The following TYW1 variants were observed in gnomAD, a reference collection of about 807,000 sequenced individuals.
TYW1 encodes S-adenosyl-L-methionine-dependent tRNA 4-demethylwyosine synthase TYW1.
TYW1 carries 46 observed loss-of-function variants against 96.2 expected under a neutral mutation model. That is an observed-to-expected ratio of 0.48 (90% CI 0.38 to 0.61). The LOEUF is 0.61. Among genes scored for constraint, TYW1 ranks in the 20% least tolerant of loss-of-function variants. The probability of loss-of-function intolerance (pLI) is 0.00; values close to 1 mark genes in which losing one functional copy is unlikely to be tolerated. For synonymous variants in TYW1, 274 were observed against 323.0 expected (o/e 0.85, Z 1.63); for missense variants, 684 against 909.6 (o/e 0.75, Z 3.19).
At chr7:67,129,546 T>TG (rs1798000624) in intron 13 of TYW1, among the ~76,000 whole-genome samples, 1 of 152,180 alleles carries the variant, frequency 6.6e-6, no homozygotes, top group Non-Finnish European at 1.5e-5. Flanking sequence ...CCTCCAATTA[T>TG]GGGGACAGCA....
At chr7:67,066,473 T>G (rs1375833696) in intron 9 of TYW1, among the ~76,000 whole-genome samples, 1 of 152,216 alleles carries the variant, frequency 6.6e-6, no homozygotes, top group Admixed American at 6.5e-5. Context: ...CCTTGCATCA[T>G]CAAATAGTGA....
At chr7:67,153,329 A>G (rs9692120) in intron 13 of TYW1, among the ~76,000 whole-genome samples, 39,445 of 152,020 alleles carry the variant, frequency 0.26, 5,601 homozygotes, top group African/African-American at 0.38. Context: ...TGTGGTGCAC[A>G]TCTATAATCC....
At chr7:67,226,703 C>G in intron 15 of TYW1, among the ~76,000 whole-genome samples, 1 of 152,200 alleles carries the variant, frequency 6.6e-6, no homozygotes, top group East Asian at 1.9e-4. Flanking sequence ...GTTCCCCTGT[C>G]TTGATTAATT....
At chr7:67,094,325 T>C (rs1461681634) in intron 11 of TYW1, among the ~76,000 whole-genome samples, 2 of 152,054 alleles carry the variant, frequency 1.3e-5, no homozygotes, top group African/African-American at 2.4e-5. Context: ...GGGTACAGGT[T>C]TTTTTTTAAT....
rs572799521 is a variant in TYW1 at position 67,023,624 on chromosome 7, T to C, written c.862-1276T>C. On this transcript the variant is annotated intron_variant, in intron 6 of 15. Coordinates refer to ENST00000359626, the MANE Select transcript of TYW1 (RefSeq NM_018264.4). ...CTCTACTAAAAATACAAAAATTAGC[T>C]GGGTGTGATGGTGCATGCCTGTAGT... Among the ~76,000 whole-genome samples, 17 of 151,888 alleles carry C rather than the reference T, an allele frequency of 1.1e-4. No individual in the cohort carries two copies. In the South Asian group the frequency reaches 3.5e-3, roughly 32 times the overall value.
intron 12 of TYW1, among the ~76,000 whole-genome samples, chr7:67,111,387 G>A (rs1202621019): frequency 6.6e-6 from 1 of 152,144 alleles, no homozygotes; most frequent in African/African-American, 2.4e-5. Context: ...TTTTAGAAGA[G>A]ACAGGGTTTC....
chr7:67,090,107 A>G (rs1228899914), intron 11 of TYW1, among the ~76,000 whole-genome samples: 1 of 152,236 alleles, frequency 6.6e-6, no homozygotes, highest in Non-Finnish European at 1.5e-5. Flanking sequence ...TGCAAGACAT[A>G]AAAGATCTCC....
intron 9 of TYW1, among the ~76,000 whole-genome samples, chr7:67,057,402 T>C (rs1210898951): frequency 1.3e-5 from 2 of 150,934 alleles, no homozygotes; most frequent in Non-Finnish European, 3.0e-5. Context: ...CAGAGTCTCG[T>C]TGTCTCACCC....
At chr7:67,035,135 T>G (rs1794794098) in intron 7 of TYW1, among the ~76,000 whole-genome samples, 1 of 152,012 alleles carries the variant, frequency 6.6e-6, no homozygotes, top group Non-Finnish European at 1.5e-5. Context: ...TTTTTTTTTT[T>G]TGAGATGGAG....
At chr7:67,193,207 AG>A (rs1184493609) in intron 14 of TYW1, among the ~76,000 whole-genome samples, 1 of 152,196 alleles carries the variant, frequency 6.6e-6, no homozygotes, top group Non-Finnish European at 1.5e-5. Flanking sequence ...TTAACTCTGT[AG>A]GGCACAGTTT....
chr7:67,233,857 G>C (rs1801808728), intron 15 of TYW1, among the ~76,000 whole-genome samples: 1 of 136,212 alleles, frequency 7.3e-6, no homozygotes, highest in Non-Finnish European at 1.6e-5. Flanking sequence ...TTTGGGTCTA[G>C]TGGTTCTGTT....
At position 67,034,915 on chromosome 7, in the gene TYW1, C is replaced by T. The variant is rs574982338; in HGVS notation, c.984+9893C>T. On this transcript the variant is annotated intron_variant, in intron 7 of 15. Coordinates refer to ENST00000359626, the MANE Select transcript of TYW1 (RefSeq NM_018264.4). Reference sequence around the variant, plus strand: ...GCCTTGTGAAAGTTGCAAAGAGTTTCCCATCTGTTTCCATTGTAGAAGAGA... The same window carrying T: ...GCCTTGTGAAAGTTGCAAAGAGTTTTCCATCTGTTTCCATTGTAGAAGAGA... 1.5e-4 allele frequency among the ~76,000 whole-genome samples: 23 copies of T among 152,256 alleles called. 1 individual carries two copies. The highest frequency in any genetic ancestry group is 1.5e-3 in the Admixed American group (23 of 15,278).
intron 13 of TYW1, among the ~76,000 whole-genome samples, chr7:67,135,610 T>TG: frequency 1.1e-5 from 1 of 88,322 alleles, no homozygotes; most frequent in African/African-American, 5.0e-5. Context: ...GCCAACAGTT[T>TG]TTTTTTTTTT....
At chr7:67,205,948 C>G (rs189883515) in intron 15 of TYW1, among the ~76,000 whole-genome samples, 1 of 152,330 alleles carries the variant, frequency 6.6e-6, no homozygotes, top group East Asian at 1.9e-4. Context: ...CTTCTTATCT[C>G]TACCTTTGAG....
intron 15 of TYW1, among the ~76,000 whole-genome samples, chr7:67,236,853 A>G (rs1801904865): frequency 6.6e-6 from 1 of 152,082 alleles, no homozygotes; most frequent in African/African-American, 2.4e-5. Context: ...AGAACAGGAA[A>G]TTGTTCCTTA....
Position 66,998,810 on chromosome 7 carries a change from C to G in TYW1, c.136-7C>G. 6.2e-7 allele frequency: 1 copy of G among 1,613,714 alleles called. No homozygotes were observed. Among genetic ancestry groups the G allele is most frequent in the Non-Finnish European group, 8.5e-7 (1 of 1,179,908 alleles). ...TGATGGATTTTGTGTAATTATTTGT[C>G]TTCAAGGGCAAGAACTTACAGGAAA... On this transcript the variant is annotated splice_polypyrimidine_tract_variant and splice_region_variant and intron_variant, in intron 2 of 15. Transcript: ENST00000359626.
chr7:67,071,464 T>C (rs1403600418), intron 10 of TYW1, among the ~76,000 whole-genome samples: 3 of 151,390 alleles, frequency 2.0e-5, no homozygotes, highest in East Asian at 1.9e-4. Flanking sequence ...TTTTTTTTTT[T>C]CCTTTTGAGA....
At chr7:67,015,977 A>T (rs562430147) in intron 5 of TYW1, among the ~76,000 whole-genome samples, 2 of 151,620 alleles carry the variant, frequency 1.3e-5, no homozygotes, top group Admixed American at 1.3e-4. Context: ...AAAAAAAAAG[A>T]TCATGAATTT....
chr7:67,129,459 T>C (rs1000016716), intron 13 of TYW1, among the ~76,000 whole-genome samples: 2 of 152,164 alleles, frequency 1.3e-5, no homozygotes, highest in Admixed American at 6.5e-5. Context: ...ACAGTTCAGT[T>C]TCCCTGTGTT....
Sources: allele counts gnomAD v4.1 joint callset (sites outside exome capture counted in the v4.1 genomes callset), GRCh38; gene constraint gnomAD v4.1.1; transcripts MANE v1.5; gene names NCBI Gene and HGNC (gene_info 2026-07-23, HGNC 2026-07-21).